Variants in KHDRBS2 observed in about 807,000 individuals in gnomAD.
KHDRBS2 encodes the protein KH domain-containing, RNA-binding, signal transduction-associated protein 2.
Under a neutral mutation model 44.3 loss-of-function variants are expected in KHDRBS2, and 26 were observed. The ratio of observed to expected loss-of-function variants is 0.59; its 90% CI spans 0.43 to 0.81. The LOEUF is 0.81. Ranked by LOEUF, KHDRBS2 falls within the 40% of genes least tolerant of loss-of-function variation. The pLI, the probability that KHDRBS2 is intolerant of heterozygous loss-of-function variation, is 0.00. For missense variants in KHDRBS2, 476 were observed against 433.1 expected, an observed-to-expected ratio of 1.10 and a Z score of -0.88; for synonymous variants, 194 against 151.1, an observed-to-expected ratio of 1.28 and a Z score of -2.08.
the KHDRBS2 span, among the ~76,000 whole-genome samples, chr6:61,581,565 AACAATATACAATAC>A: frequency 7.1e-3 from 940 of 131,488 alleles, 4 homozygotes; most frequent in South Asian, 0.019. Flanking sequence ...CACAATATAC[AACAATATACAATAC>A]ACAATATACA....
intron 2 of KHDRBS2, among the ~76,000 whole-genome samples, chr6:62,146,681 T>A (rs1675045537): frequency 6.6e-6 from 1 of 151,814 alleles, no homozygotes; most frequent in African/African-American, 2.4e-5. Flanking sequence ...CATATGCACA[T>A]AAACTCCATT....
chr6:61,956,989 G>A (rs529831244), intron 4 of KHDRBS2, among the ~76,000 whole-genome samples: 11 of 152,118 alleles, frequency 7.2e-5, no homozygotes, highest in South Asian at 2.1e-4. Flanking sequence ...AGCTGAAGCC[G>A]TGGCAGAAGA....
intron 1 of KHDRBS2, among the ~76,000 whole-genome samples, chr6:62,197,018 G>C (rs1332712289): frequency 1.3e-5 from 2 of 152,038 alleles, no homozygotes; most frequent in African/African-American, 2.4e-5. Context: ...AAAAATCACA[G>C]TGTAGTATAA....
At chr6:61,983,450 AG>A (rs1277302157) in intron 3 of KHDRBS2, among the ~76,000 whole-genome samples, 2 of 151,806 alleles carry the variant, frequency 1.3e-5, no homozygotes, top group Non-Finnish European at 2.9e-5. Context: ...CTTAGATTAC[AG>A]GGTTTCTAGC....
chr6:61,565,519 CT>C, the KHDRBS2 span, among the ~76,000 whole-genome samples: 1 of 152,038 alleles, frequency 6.6e-6, no homozygotes, highest in Non-Finnish European at 1.5e-5. Context: ...TAAATAGATG[CT>C]TTTCAAAAGA....
At chr6:61,936,373 C>A (rs1193411293) in intron 4 of KHDRBS2, among the ~76,000 whole-genome samples, 14 of 151,952 alleles carry the variant, frequency 9.2e-5, no homozygotes, top group Admixed American at 2.0e-4. Flanking sequence ...TAGGGCTGCT[C>A]CACATTCTCT....
intron 7 of KHDRBS2, among the ~76,000 whole-genome samples, chr6:61,706,172 C>G (rs1231520974): frequency 6.6e-6 from 1 of 151,806 alleles, no homozygotes; most frequent in Non-Finnish European, 1.5e-5. Flanking sequence ...ACCCAGCCCT[C>G]CCTGTGTACT....
intron 1 of KHDRBS2, among the ~76,000 whole-genome samples, chr6:62,207,823 G>A (rs1828275185): frequency 6.6e-6 from 1 of 152,024 alleles, no homozygotes; most frequent in Admixed American, 6.6e-5. Context: ...ATGATGTTAA[G>A]GAATACATAT....
At chr6:61,704,154 C>T (rs1451398098) in intron 7 of KHDRBS2, among the ~76,000 whole-genome samples, 1 of 151,834 alleles carries the variant, frequency 6.6e-6, no homozygotes, top group Non-Finnish European at 1.5e-5. Flanking sequence ...CTTTCATTTT[C>T]ATTATCCCTA....
At chr6:62,216,524 T>C (rs936574522) in intron 1 of KHDRBS2, among the ~76,000 whole-genome samples, 1 of 151,586 alleles carries the variant, frequency 6.6e-6, no homozygotes, top group African/African-American at 2.4e-5. Context: ...TAAGACATCA[T>C]CAGTATTTAA....
intron 1 of KHDRBS2, among the ~76,000 whole-genome samples, chr6:62,214,993 A>G (rs1489708415): frequency 1.3e-5 from 2 of 151,630 alleles, no homozygotes; most frequent in Non-Finnish European, 3.0e-5. Context: ...CATAAGATAA[A>G]AAAATTTAAA....
At chr6:61,565,647 C>CA in the KHDRBS2 span, among the ~76,000 whole-genome samples, 2 of 151,828 alleles carry the variant, frequency 1.3e-5, no homozygotes, top group Admixed American at 1.3e-4. Flanking sequence ...TGCCCTTTAT[C>CA]AAAAAATAAT....
chr6:62,273,652 T>C (rs754702094), intron 1 of KHDRBS2, among the ~76,000 whole-genome samples: 2 of 152,166 alleles, frequency 1.3e-5, no homozygotes, highest in Admixed American at 6.5e-5. Flanking sequence ...TGATCTCTTC[T>C]ACTCCAAAGG....
chr6:61,774,144 T>A (rs1469642344), intron 6 of KHDRBS2, among the ~76,000 whole-genome samples: 3 of 152,178 alleles, frequency 2.0e-5, no homozygotes, highest in Admixed American at 6.5e-5. Flanking sequence ...TTTGGTGCCA[T>A]ATGAACTTTA....
chr6:61,708,995 C>T (rs1770045045), intron 7 of KHDRBS2, among the ~76,000 whole-genome samples: 1 of 151,656 alleles, frequency 6.6e-6, no homozygotes. Context: ...CATTTAATCT[C>T]ACCAACTCCC....
chr6:61,881,129 C>T (rs1263511964), intron 6 of KHDRBS2, among the ~76,000 whole-genome samples: 1 of 151,922 alleles, frequency 6.6e-6, no homozygotes, highest in Non-Finnish European at 1.5e-5. Context: ...ATGCTCTCAG[C>T]TTACTCCCTG....
chr6:62,226,522 G>C (rs1831858199), intron 1 of KHDRBS2, among the ~76,000 whole-genome samples: 1 of 152,148 alleles, frequency 6.6e-6, no homozygotes, highest in South Asian at 2.1e-4. Flanking sequence ...TTGTTGTGCA[G>C]AAGATCTTTA....
intron 6 of KHDRBS2, among the ~76,000 whole-genome samples, chr6:61,775,187 A>C (rs1781737774): frequency 1.3e-5 from 2 of 152,172 alleles, no homozygotes; most frequent in Non-Finnish European, 2.9e-5. Flanking sequence ...CCAATATCAT[A>C]CTGAATGGGC....
the KHDRBS2 span, among the ~76,000 whole-genome samples, chr6:61,593,875 C>G: frequency 6.6e-6 from 1 of 152,204 alleles, no homozygotes; most frequent in African/African-American, 2.4e-5. Context: ...GACAAAGTAT[C>G]AGGTTAATCT....
Sources: allele counts gnomAD v4.1 joint callset (sites outside exome capture counted in the v4.1 genomes callset), GRCh38; gene constraint gnomAD v4.1.1; transcripts MANE v1.5; gene names NCBI Gene and HGNC (gene_info 2026-07-23, HGNC 2026-07-21).